Variants in LRRC43 observed in about 807,000 individuals in gnomAD.
LRRC43 encodes leucine-rich repeat-containing protein 43.
A neutral mutation model predicts 64.3 loss-of-function variants in LRRC43; 62 were observed. The observed-to-expected ratio is 0.96, with a 90% CI of 0.79 to 1.19. LRRC43 has a LOEUF of 1.19. Ranked by LOEUF, LRRC43 falls within the 50% of genes most tolerant of loss-of-function variation. The probability of loss-of-function intolerance (pLI) is 0.00; values close to 1 mark genes in which losing one functional copy is unlikely to be tolerated. For missense variants in LRRC43, 868 were observed against 845.0 expected (o/e 1.03, Z -0.34); for synonymous variants, 422 against 382.3 (o/e 1.10, Z -1.21).
upstream of LRRC43, among the ~76,000 whole-genome samples, chr12:122,182,029 G>GT (rs1263270144): frequency 6.6e-6 from 1 of 152,146 alleles, no homozygotes; most frequent in Non-Finnish European, 1.5e-5. Flanking sequence ...GTATTAAAAC[G>GT]TGGGGCCCTT....
rs530680554 is a variant in LRRC43 at position 122,174,272 on chromosome 12, G to T, written c.-406+6490G>T. ...TATAAAGGGCCAGGGTGAGGAGAAA[G>T]AGCAGTCAGCGTCCCGCCCATGGCA... On this transcript the variant is annotated intron_variant, in intron 1 of 5. Coordinates refer to the LRRC43 transcript ENST00000537729. 3 of 1,414,472 alleles carry T rather than the reference G, an allele frequency of 2.1e-6. No individual in the cohort carries two copies. The South Asian group carries it at 3.5e-5, about 17-fold the overall frequency. 87.6% of individuals were successfully genotyped at this position (1,414,472 alleles called of 1,614,324 possible).
At position 122,200,893 on chromosome 12, in the gene LRRC43, G is replaced by A. The variant is rs957439206; in HGVS notation, c.1768G>A (p.Val590Met). Residue 590 changes from valine to methionine, a missense_variant, in exon 10 of 12, where the codon GTG becomes ATG. Transcript: ENST00000339777. The surrounding 1 kb of genome is among the most constrained non-coding windows in gnomAD (Gnocchi z 4.6). ...PLVSTVCNFG[V>M]VRTLTSDRLT... Reference sequence around the variant, plus strand: ...GGTGTCCACCGTGTGCAACTTCGGCGTGGTCCGCACATTGACATCTGACAG... The same window carrying A: ...GGTGTCCACCGTGTGCAACTTCGGCATGGTCCGCACATTGACATCTGACAG... 2.7e-5 allele frequency: 43 copies of A among 1,611,918 alleles called. No homozygotes were observed. The highest frequency in any genetic ancestry group is 6.7e-5 in the Admixed American group (4 of 59,846).
At chr12:122,189,510 T>TG (rs1350884741) in intron 4 of LRRC43, 1 of 456,620 alleles carries the variant, frequency 2.2e-6, no homozygotes, top group South Asian at 1.5e-5. Flanking sequence ...TTCTAGTTTG[T>TG]GGCAGCAGGA....
At position 122,190,377 on chromosome 12, in the gene LRRC43, A is replaced by G. The variant is rs1462791496; in HGVS notation, c.901+9A>G. Reference sequence around the variant, plus strand: ...GCTCAGCCTCAATGGCGGTGAGGGTACTGGCATGCAGGGAGGGGGTGGCAT... The same window carrying G: ...GCTCAGCCTCAATGGCGGTGAGGGTGCTGGCATGCAGGGAGGGGGTGGCAT... On this transcript the variant is annotated intron_variant, in intron 5 of 11. Coordinates refer to ENST00000339777, the MANE Select transcript of LRRC43 (RefSeq NM_001098519.2). 5 of 1,606,646 alleles carry G rather than the reference A, an allele frequency of 3.1e-6. No homozygotes were observed. The highest frequency in any genetic ancestry group is 1.7e-5 in the Admixed American group (1 of 59,910).
intron 2 of LRRC43, among the ~76,000 whole-genome samples, chr12:122,185,076 T>G (rs1486690272): frequency 1.3e-5 from 2 of 152,200 alleles, no homozygotes; most frequent in Non-Finnish European, 2.9e-5. Context: ...GAAGGGTCTG[T>G]GTTAGTTTTA....
intron 6 of LRRC43, among the ~76,000 whole-genome samples, chr12:122,192,277 C>T (rs998028002): frequency 4.6e-5 from 7 of 152,230 alleles, no homozygotes; most frequent in African/African-American, 1.7e-4. Flanking sequence ...GCTGGGATTA[C>T]AGGCTCGCGC....
At chr12:122,183,883 G>T (rs1436365185) in intron 1 of LRRC43, among the ~76,000 whole-genome samples, 1 of 151,858 alleles carries the variant, frequency 6.6e-6, no homozygotes, top group Non-Finnish European at 1.5e-5. Context: ...AGGGATTACA[G>T]GCACCTGCCA....
chr12:122,169,572 C>T (rs181694549), intron 1 of LRRC43, among the ~76,000 whole-genome samples: 1,873 of 151,810 alleles, frequency 0.012, 15 homozygotes, highest in Non-Finnish European at 0.018. Flanking sequence ...AAAAATTAGC[C>T]GGGCGTGGTG....
chr12:122,203,243 A>C, intron 11 of LRRC43, 72 bp from the exon 12 acceptor site: 2 of 1,558,692 alleles, frequency 1.3e-6, no homozygotes, highest in Non-Finnish European at 1.7e-6. Context: ...TGCATATGGG[A>C]TGGGTCAGGG....
At chr12:122,198,434 C>T (rs1239312798) in intron 7 of LRRC43, among the ~76,000 whole-genome samples, 2 of 152,042 alleles carry the variant, frequency 1.3e-5, no homozygotes, top group Admixed American at 1.3e-4. Flanking sequence ...GCGTCACCTT[C>T]GATTCCCCAT....
At chr12:122,186,842 C>T (rs1385237447) in intron 3 of LRRC43, among the ~76,000 whole-genome samples, 3 of 152,146 alleles carry the variant, frequency 2.0e-5, no homozygotes, top group Admixed American at 1.3e-4. Context: ...TTGCTTGAAC[C>T]CAGGAGGCAA....
At chr12:122,180,415 A>G (rs569544884), upstream of LRRC43, among the ~76,000 whole-genome samples, 1 of 152,244 alleles carries the variant, frequency 6.6e-6, no homozygotes, top group East Asian at 1.9e-4. Context: ...GCTACTCAGA[A>G]GGCTGAGGCA....
At chr12:122,172,156 A>G (rs927194110) in intron 1 of LRRC43, 10 of 385,932 alleles carry the variant, frequency 2.6e-5, no homozygotes, top group Non-Finnish European at 4.7e-5. Context: ...TCACGAGGGT[A>G]TAATAAGTAA....
chr12:122,173,421 C>A (rs1017233884), intron 1 of LRRC43, among the ~76,000 whole-genome samples: 1 of 152,218 alleles, frequency 6.6e-6, no homozygotes, highest in Non-Finnish European at 1.5e-5. Flanking sequence ...CAGTGGCTCA[C>A]GCCTGTAATC....
chr12:122,198,440 C>G (rs979371989), intron 7 of LRRC43, among the ~76,000 whole-genome samples: 2 of 152,060 alleles, frequency 1.3e-5, no homozygotes, highest in Non-Finnish European at 2.9e-5. Flanking sequence ...CCTTCGATTC[C>G]CCATCCCTCT....
chr12:122,175,089 C>T (rs536684373), intron 1 of LRRC43, among the ~76,000 whole-genome samples: 2 of 152,252 alleles, frequency 1.3e-5, no homozygotes, highest in Admixed American at 1.3e-4. Flanking sequence ...ATCTGCCTGC[C>T]TCGGCTTCCC....
At chr12:122,172,528 G>C in intron 1 of LRRC43, 1 of 1,613,830 alleles carries the variant, frequency 6.2e-7, no homozygotes, top group Non-Finnish European at 8.5e-7. Context: ...GTGTCTGTTG[G>C]CACAGAAATG....
At chr12:122,201,003 G>A in intron 10 of LRRC43, 69 bp downstream of exon 10, 3 of 1,513,102 alleles carry the variant, frequency 2.0e-6, no homozygotes, top group Non-Finnish European at 2.7e-6. Context: ...CCGCGGGCAA[G>A]CAAGGGCTGT....
At chr12:122,171,784 G>A (rs1030012966) in intron 1 of LRRC43, among the ~76,000 whole-genome samples, 2 of 151,922 alleles carry the variant, frequency 1.3e-5, no homozygotes, top group Non-Finnish European at 2.9e-5. Flanking sequence ...GCCCAGGCTG[G>A]TCTGGAACTC....
Sources: gnomAD v4.1 joint callset for allele counts (sites outside exome capture counted in the v4.1 genomes callset) on GRCh38, gnomAD v4.1.1 for gene constraint, Gnocchi (gnomAD v3.1) non-coding constraint, MANE v1.5 for transcripts, NCBI Gene and HGNC (gene_info 2026-07-23, HGNC 2026-07-21) for gene names.